Variants in DAPK2 observed in about 807,000 individuals in gnomAD.
DAPK2 encodes death-associated protein kinase 2.
A neutral mutation model predicts 44.1 loss-of-function variants in DAPK2; 35 were observed. The ratio of observed to expected loss-of-function variants is 0.79; its 90% CI spans 0.61 to 1.05. DAPK2 has a LOEUF of 1.05. Among genes scored for constraint, DAPK2 ranks in the 50% least tolerant of loss-of-function variants. The probability of loss-of-function intolerance (pLI) is 0.00; values close to 1 mark genes in which losing one functional copy is unlikely to be tolerated. For missense variants in DAPK2, 453 were observed against 483.2 expected (o/e 0.94, Z 0.59); for synonymous variants, 174 against 182.6 (o/e 0.95, Z 0.38).
At chr15:63,945,792 G>A (rs1009195858) in intron 3 of DAPK2, among the ~76,000 whole-genome samples, 1 of 152,188 alleles carries the variant, frequency 6.6e-6, no homozygotes, top group South Asian at 2.1e-4. Context: ...CTGCAGTTTC[G>A]AGATGGCACA....
chr15:63,984,879 A>G (rs544882128), intron 1 of DAPK2, among the ~76,000 whole-genome samples: 1 of 152,338 alleles, frequency 6.6e-6, no homozygotes, highest in East Asian at 1.9e-4. Context: ...GAACCACTCC[A>G]TCATTAGCAT....
chr15:64,012,086 T>C (rs1440353365), intron 1 of DAPK2, among the ~76,000 whole-genome samples: 1 of 152,220 alleles, frequency 6.6e-6, no homozygotes, highest in Non-Finnish European at 1.5e-5. Context: ...AAGAACACAC[T>C]GCAAAGCTGT....
intron 1 of DAPK2, among the ~76,000 whole-genome samples, chr15:64,036,319 G>GTATATATATATGTA (rs2080193128): frequency 1.8e-5 from 1 of 56,662 alleles, no homozygotes; most frequent in Non-Finnish European, 4.0e-5. Flanking sequence ...GTATATATAT[G>GTATATATATATGTA]TATATATATA....
chr15:63,965,485 A>C (rs549133447), intron 3 of DAPK2, among the ~76,000 whole-genome samples: 1 of 152,184 alleles, frequency 6.6e-6, no homozygotes, highest in Non-Finnish European at 1.5e-5. Flanking sequence ...TCAAGGCCCT[A>C]GGGCTCTACA....
intron 1 of DAPK2, among the ~76,000 whole-genome samples, chr15:64,025,910 A>T (rs62021544): frequency 0.2 from 30,255 of 152,234 alleles, 3,084 homozygotes; most frequent in South Asian, 0.25. Flanking sequence ...CTATCATCAA[A>T]TTGATTGGAA....
intron 1 of DAPK2, among the ~76,000 whole-genome samples, chr15:64,012,302 T>G (rs2141026937): frequency 6.6e-6 from 1 of 152,346 alleles, no homozygotes; most frequent in East Asian, 1.9e-4. Flanking sequence ...ATATGCCACA[T>G]GCATTCAAGA....
chr15:63,914,340 G>A (rs1567198477), intron 8 of DAPK2, among the ~76,000 whole-genome samples: 1 of 152,098 alleles, frequency 6.6e-6, no homozygotes, highest in Non-Finnish European at 1.5e-5. Flanking sequence ...GTGCTTTTGG[G>A]CCAAAGAGTA....
At chr15:63,933,531 C>T (rs2077037190) in intron 4 of DAPK2, among the ~76,000 whole-genome samples, 1 of 151,870 alleles carries the variant, frequency 6.6e-6, no homozygotes, top group Admixed American at 6.6e-5. Flanking sequence ...GCGTGAGCCA[C>T]AGCGCCTGGC....
intron 1 of DAPK2, among the ~76,000 whole-genome samples, chr15:63,996,775 C>G (rs1220985245): frequency 6.6e-6 from 1 of 152,130 alleles, no homozygotes; most frequent in Non-Finnish European, 1.5e-5. Context: ...AAGGCTTTGC[C>G]CAAGGGAGGA....
intron 4 of DAPK2, among the ~76,000 whole-genome samples, chr15:63,934,232 G>T (rs28493421): frequency 0.01 from 928 of 91,880 alleles, 10 homozygotes; most frequent in African/African-American, 0.034. Flanking sequence ...TTTTCTTCAT[G>T]TTCTAGTTTT....
intron 4 of DAPK2, among the ~76,000 whole-genome samples, chr15:63,934,478 A>C (rs1302999427): frequency 6.6e-6 from 1 of 151,902 alleles, no homozygotes; most frequent in East Asian, 1.9e-4. Context: ...GCTGGTCTTG[A>C]ACTCCTGACC....
upstream of DAPK2, among the ~76,000 whole-genome samples, chr15:64,041,706 C>T (rs2080357061): frequency 6.6e-6 from 1 of 152,232 alleles, no homozygotes. Context: ...TGGGTGGAGG[C>T]ACCATTATAT....
At chr15:64,037,284 G>C (rs1400701590) in intron 1 of DAPK2, among the ~76,000 whole-genome samples, 1 of 152,146 alleles carries the variant, frequency 6.6e-6, no homozygotes, top group Non-Finnish European at 1.5e-5. Context: ...CAGGTCCCAG[G>C]CACTTCCCCA....
chr15:64,021,357 C>T (rs1236706601), intron 1 of DAPK2, among the ~76,000 whole-genome samples: 3 of 152,202 alleles, frequency 2.0e-5, no homozygotes, highest in Non-Finnish European at 4.4e-5. Context: ...TTGGTCTGTT[C>T]CCCTGCCCCA....
At chr15:64,031,942 AG>A (rs1183520614) in intron 1 of DAPK2, among the ~76,000 whole-genome samples, 1 of 152,190 alleles carries the variant, frequency 6.6e-6, no homozygotes, top group African/African-American at 2.4e-5. Context: ...CATGAATTCC[AG>A]GGCTTATGGG....
chr15:64,020,679 G>T lies in DAPK2; in HGVS notation c.92+19491C>A, dbSNP rs2079656626. Among the ~76,000 whole-genome samples, 1 of 152,210 alleles carries T rather than the reference G, an allele frequency of 6.6e-6. No individual in the cohort carries two copies. Among genetic ancestry groups the T allele is most frequent in the South Asian group, 2.1e-4 (1 of 4,832 alleles). The stretch of plus-strand genomic sequence containing the variant: ...AAAATATTTATAGAAAGGAAATGTA[G>T]GAGAATCATGGAATGACGTCAGGGT... On this transcript the variant is annotated intron_variant, in intron 1 of 10. Coordinates refer to ENST00000261891, the Ensembl canonical transcript of DAPK2. The surrounding 1 kb of genome is among the most constrained non-coding windows in gnomAD (Gnocchi z 4.5).
chr15:63,970,328 G>C (rs895106575), intron 3 of DAPK2, among the ~76,000 whole-genome samples: 5 of 152,302 alleles, frequency 3.3e-5, no homozygotes, highest in South Asian at 2.1e-4. Flanking sequence ...GCATTGTGCT[G>C]TTTTGTGACC....
intron 1 of DAPK2, 54 bp from the exon 3 acceptor site, chr15:63,983,808 T>C: frequency 5.2e-6 from 8 of 1,526,134 alleles, no homozygotes; most frequent in South Asian, 2.3e-5. Context: ...ATTGGGGAAA[T>C]GACCCCACTG....
chr15:64,031,065 A>T (rs2080000834), intron 1 of DAPK2, among the ~76,000 whole-genome samples: 1 of 152,002 alleles, frequency 6.6e-6, no homozygotes, highest in Non-Finnish European at 1.5e-5. Context: ...AATCTGACAG[A>T]GCTAGGATGG....
Sources: allele counts gnomAD v4.1 joint callset (sites outside exome capture counted in the v4.1 genomes callset), GRCh38; gene constraint gnomAD v4.1.1; non-coding constraint Gnocchi (gnomAD v3.1); transcripts MANE v1.5; gene names NCBI Gene and HGNC (gene_info 2026-07-23, HGNC 2026-07-21).